The following IL12RB2 variants were observed in gnomAD, a reference collection of about 807,000 sequenced individuals.
IL12RB2 encodes interleukin 12 receptor subunit beta 2.
IL12RB2 carries 82 observed loss-of-function variants against 89.4 expected under a neutral mutation model. That is an observed-to-expected ratio of 0.92 (90% CI 0.77 to 1.10). IL12RB2 has a LOEUF of 1.10. Ranked by LOEUF, IL12RB2 falls within the 50% of genes least tolerant of loss-of-function variation. The probability of loss-of-function intolerance (pLI) is 0.00; values close to 1 mark genes in which losing one functional copy is unlikely to be tolerated. For missense variants in IL12RB2, 963 were observed against 1,031.9 expected (o/e 0.93, Z 0.92); for synonymous variants, 368 against 370.1 (o/e 0.99, Z 0.07).
At chr1:67,326,968 T>TTTATTTATTTATTTATTTAC (rs369271324) in intron 5 of IL12RB2, 119 bp downstream of exon 5, 1 of 818,246 alleles carries the variant, frequency 1.2e-6, no homozygotes, top group African/African-American at 2.0e-5. Flanking sequence ...TATTTATTTA[T>TTTATTTATTTATTTATTTAC]TTATTTATTT....
chr1:67,369,952 G>T (rs886417938), intron 11 of IL12RB2, among the ~76,000 whole-genome samples: 6 of 151,098 alleles, frequency 4.0e-5, no homozygotes, highest in Non-Finnish European at 7.4e-5. Context: ...AACCCGGGAA[G>T]CGGAGATTGC....
intron 4 of IL12RB2, among the ~76,000 whole-genome samples, chr1:67,325,184 G>A (rs563512087): frequency 1.2e-4 from 18 of 152,358 alleles, no homozygotes; most frequent in African/African-American, 4.3e-4. Flanking sequence ...GAGCTCAAAG[G>A]TTTGTTGTTG....
At chr1:67,391,706 G>C (rs868668167) in intron 16 of IL12RB2, among the ~76,000 whole-genome samples, 1 of 150,820 alleles carries the variant, frequency 6.6e-6, no homozygotes, top group East Asian at 1.9e-4. Flanking sequence ...GCGCAATCTC[G>C]GCTCACTGCA....
At chr1:67,350,566 A>G (rs1660717409) in intron 9 of IL12RB2, among the ~76,000 whole-genome samples, 1 of 152,272 alleles carries the variant, frequency 6.6e-6, no homozygotes, top group African/African-American at 2.4e-5. Context: ...GAGATTCTAT[A>G]CTTGTTCTAT....
chr1:67,395,751 C>T lies in IL12RB2; in HGVS notation c.2251C>T (p.Pro751Ser), dbSNP rs764594675. 105 of 1,613,802 alleles carry T rather than the reference C, an allele frequency of 6.5e-5. No individual in the cohort carries two copies. The highest frequency in any genetic ancestry group is 8.1e-5 in the Non-Finnish European group (96 of 1,179,790). Residue 751 changes from proline (P) to serine (S), a missense_variant, in exon 17 of 17, where the codon CCA (proline) becomes TCA (serine). Transcript: ENST00000674203. ...KDMMHSASSP[P>S]PPRALQAESR... ...CATGATGCACAGTGCCTCAAGCCCA[C>T]CACCTCCAAGAGCTCTCCAAGCTGA...
chr1:67,387,907 G>A (rs547762823), intron 15 of IL12RB2, among the ~76,000 whole-genome samples: 14 of 151,422 alleles, frequency 9.2e-5, no homozygotes, highest in South Asian at 2.1e-4. Context: ...GCTGGGCGCC[G>A]GGGCTCATGC....
chr1:67,308,471 A>C (rs1001952004), intron 1 of IL12RB2, among the ~76,000 whole-genome samples: 1 of 152,112 alleles, frequency 6.6e-6, no homozygotes, highest in Admixed American at 6.6e-5. Flanking sequence ...TTGTCTCAGC[A>C]GTCTTTCCTG....
At chr1:67,368,127 T>A in intron 11 of IL12RB2, 102 bp downstream of exon 11, 1 of 768,958 alleles carries the variant, frequency 1.3e-6, no homozygotes, top group Admixed American at 2.0e-5. Context: ...TACAGGTGGC[T>A]ACATGATGAG....
At position 67,389,898 on chromosome 1, in the gene IL12RB2, T is replaced by C. The variant is rs1366282978; in HGVS notation, c.1947-131T>C. ...GTAGTCTTGGATGATAAATCATCTT[T>C]GTCTTTCAGTGTTTATCTTTTATTT... On this transcript the variant is annotated intron_variant, in intron 15 of 16. Transcript: ENST00000674203. 6 of 681,210 alleles carry C rather than the reference T, an allele frequency of 8.8e-6. No homozygotes were observed. In the Admixed American group the frequency reaches 1.2e-4, roughly 14 times the overall value. 42.2% of individuals were successfully genotyped at this position (681,210 alleles called of 1,614,324 possible).
intron 10 of IL12RB2, among the ~76,000 whole-genome samples, chr1:67,357,184 C>T (rs1033379967): frequency 6.6e-4 from 100 of 152,102 alleles, no homozygotes; most frequent in Admixed American, 6.5e-3. Flanking sequence ...TGGCAAAACC[C>T]TGTCTCTACT....
In IL12RB2 at chr1:67,328,308, C is replaced by T. The variant is rs753864037; in HGVS notation, c.588C>T (p.Phe196=). The T allele has an allele frequency of 1.9e-6, 3 of 1,614,192 alleles. No homozygotes were observed. Among genetic ancestry groups the T allele is most frequent in the Non-Finnish European group, 2.5e-6 (3 of 1,180,038 alleles). ...NLTPESPESN[F]TAKVTAVNSL... is the part of the protein sequence containing the mutation. ...CCCCTGAATCACCTGAATCCAATTT[C>T]ACAGCCAAGGTTACTGCTGTCAATA... The change falls in exon 6 of 17, where the codon TTC becomes TTT. Residue 196 remains phenylalanine (F), a synonymous_variant. Coordinates refer to ENST00000674203, the MANE Select transcript of IL12RB2 (RefSeq NM_001374259.2).
chr1:67,395,917 A>C lies in IL12RB2; in HGVS notation c.2417A>C (p.Asp806Ala), dbSNP rs1185561598. ...THDGYLPSNI[D>A]DLPSHEAPLA... is the part of the protein sequence containing the mutation. ...GATGGCTACTTACCCTCCAACATAGATGACCTCCCCTCACATGAGGCACCT... is the reference window on the plus strand; with the variant it reads ...GATGGCTACTTACCCTCCAACATAGCTGACCTCCCCTCACATGAGGCACCT... The change falls in exon 17 of 17, where the codon GAT (aspartate) becomes GCT (alanine). Residue 806 changes from aspartate to alanine, a missense_variant. Transcript: ENST00000674203. The C allele has an allele frequency of 2.5e-6, 4 of 1,611,340 alleles. No individual in the cohort carries two copies. The highest frequency in any genetic ancestry group is 3.4e-6 in the Non-Finnish European group (4 of 1,177,598).
chr1:67,346,094 T>C (rs1344768545), intron 9 of IL12RB2, among the ~76,000 whole-genome samples: 1 of 152,120 alleles, frequency 6.6e-6, no homozygotes, highest in African/African-American at 2.4e-5. Flanking sequence ...CAGTTAAGAG[T>C]TCACCTCTTG....
At chr1:67,378,143 A>G (rs556339165) in intron 13 of IL12RB2, among the ~76,000 whole-genome samples, 3 of 152,042 alleles carry the variant, frequency 2.0e-5, no homozygotes, top group Non-Finnish European at 2.9e-5. Context: ...AACAACAACA[A>G]CAACAAAAAC....
At chr1:67,362,233 T>C (rs908139465) in intron 10 of IL12RB2, among the ~76,000 whole-genome samples, 3 of 151,242 alleles carry the variant, frequency 2.0e-5, no homozygotes, top group African/African-American at 7.3e-5. Context: ...ATCACGCCAC[T>C]GTACTCCAGC....
chr1:67,391,388 TAC>T (rs111985818), intron 16 of IL12RB2, among the ~76,000 whole-genome samples: 30 of 144,312 alleles, frequency 2.1e-4, no homozygotes, highest in Non-Finnish European at 2.0e-4. Flanking sequence ...TGTGTGTCTA[TAC>T]ACACACACAC....
chr1:67,322,475 A>G (rs1293159504), intron 4 of IL12RB2, among the ~76,000 whole-genome samples: 2 of 150,564 alleles, frequency 1.3e-5, no homozygotes, highest in East Asian at 3.9e-4. Flanking sequence ...CTAACAATTC[A>G]TGGGAAGGGG....
At chr1:67,395,075 C>G (rs1017540344) in intron 16 of IL12RB2, among the ~76,000 whole-genome samples, 1 of 152,034 alleles carries the variant, frequency 6.6e-6, no homozygotes, top group Admixed American at 6.6e-5. Flanking sequence ...CGAGACCAGC[C>G]TGGCCAACAT....
chr1:67,335,343 T>C (rs1046620886), intron 8 of IL12RB2, among the ~76,000 whole-genome samples: 3 of 152,148 alleles, frequency 2.0e-5, no homozygotes, highest in Non-Finnish European at 2.9e-5. Context: ...GAAGTAGGGA[T>C]GATTCATCCA....
Sources: gnomAD v4.1 joint callset for allele counts (sites outside exome capture counted in the v4.1 genomes callset) on GRCh38, gnomAD v4.1.1 for gene constraint, MANE v1.5 for transcripts, NCBI Gene and HGNC (gene_info 2026-07-23, HGNC 2026-07-21) for gene names.